Variants in ARHGAP44 observed in about 807,000 individuals in gnomAD.
ARHGAP44 encodes the protein rho GTPase-activating protein 44.
ARHGAP44 carries 43 observed loss-of-function variants against 106.8 expected under a neutral mutation model. The observed-to-expected ratio is 0.40, with a 90% confidence interval of 0.32 to 0.52. The LOEUF (loss-of-function observed/expected upper bound fraction) is 0.52. Ranked by LOEUF, ARHGAP44 falls within the 20% of genes least tolerant of loss-of-function variation. The pLI, the probability that ARHGAP44 is intolerant of heterozygous loss-of-function variation, is 0.48. For synonymous variants in ARHGAP44, 439 were observed against 410.3 expected (o/e 1.07, Z -0.85); for missense variants, 866 against 1,050.5 (o/e 0.82, Z 2.43).
intron 1 of ARHGAP44, among the ~76,000 whole-genome samples, chr17:12,850,334 A>G (rs1054690939): frequency 4.6e-5 from 7 of 151,902 alleles, no homozygotes; most frequent in Non-Finnish European, 8.8e-5. Context: ...TTACGCATTA[A>G]TGGGACCTCA....
chr17:12,847,959 AC>A (rs2035621041), intron 1 of ARHGAP44, among the ~76,000 whole-genome samples: 1 of 152,100 alleles, frequency 6.6e-6, no homozygotes, highest in Non-Finnish European at 1.5e-5. Flanking sequence ...GCTTGCCCCA[AC>A]CCTGTCTTTC....
rs528523707 is a variant in ARHGAP44, at chr17:12,936,153, A to G, written c.583-4903A>G. 2.0e-5 allele frequency among the ~76,000 whole-genome samples: 3 copies of G among 152,284 alleles called. No individual in the cohort carries two copies. In the South Asian group the frequency reaches 6.2e-4, roughly 32 times the overall value. On this transcript the variant is annotated intron_variant, in intron 7 of 20. Coordinates refer to ENST00000379672, the MANE Select transcript of ARHGAP44 (RefSeq NM_014859.6). ...CAACCTCCCCCAATGTCAACATCAC[A>G]CACACAGTGGTAGAGTCTGTTACAA... is the stretch of plus-strand genomic sequence containing the variant.
At chr17:12,950,094 A>G (rs984681723) in intron 12 of ARHGAP44, among the ~76,000 whole-genome samples, 2 of 152,204 alleles carry the variant, frequency 1.3e-5, no homozygotes, top group African/African-American at 4.8e-5. Context: ...GTGACATTCT[A>G]TTGTTATAAA....
At chr17:12,870,952 A>AT (rs1187584638) in intron 1 of ARHGAP44, among the ~76,000 whole-genome samples, 2 of 151,430 alleles carry the variant, frequency 1.3e-5, no homozygotes, top group Non-Finnish European at 2.9e-5. Context: ...GCTTTGGTCA[A>AT]TTTTTTTCTT....
intron 3 of ARHGAP44, among the ~76,000 whole-genome samples, chr17:12,903,248 T>C (rs3785724): frequency 0.035 from 5,351 of 151,436 alleles, 288 homozygotes; most frequent in East Asian, 0.3. Flanking sequence ...ACAAACTGTG[T>C]TGCTTGTGCC....
intron 1 of ARHGAP44, among the ~76,000 whole-genome samples, chr17:12,853,142 C>G (rs1464987304): frequency 6.6e-6 from 1 of 152,134 alleles, no homozygotes; most frequent in African/African-American, 2.4e-5. Flanking sequence ...ACTCTGTGGC[C>G]AAAGGCCTGA....
chr17:12,802,956 TATATATATA>T (rs1567621347), intron 1 of ARHGAP44, among the ~76,000 whole-genome samples: 13 of 25,858 alleles, frequency 5.0e-4, no homozygotes, highest in African/African-American at 1.2e-3. Context: ...TATATATATA[TATATATATA>T]TATATTTTTT....
At chr17:12,862,870 A>G (rs1343840495) in intron 1 of ARHGAP44, among the ~76,000 whole-genome samples, 1 of 151,906 alleles carries the variant, frequency 6.6e-6, no homozygotes, top group Non-Finnish European at 1.5e-5. Context: ...GAGTGGTGGT[A>G]TACACCTGTA....
chr17:12,936,164 TAGA>T, intron 7 of ARHGAP44, among the ~76,000 whole-genome samples: 1 of 152,160 alleles, frequency 6.6e-6, no homozygotes, highest in South Asian at 2.1e-4. Flanking sequence ...CACACAGTGG[TAGA>T]GTCTGTTACA....
intron 1 of ARHGAP44, among the ~76,000 whole-genome samples, chr17:12,820,561 A>G (rs558225841): frequency 5.3e-4 from 81 of 152,276 alleles, no homozygotes; most frequent in African/African-American, 1.8e-3. Flanking sequence ...GTGGGAATAC[A>G]AAAATGAAGA....
intron 12 of ARHGAP44, among the ~76,000 whole-genome samples, chr17:12,950,719 G>T (rs2038973202): frequency 6.6e-6 from 1 of 152,184 alleles, no homozygotes; most frequent in African/African-American, 2.4e-5. Flanking sequence ...AGATAGTCTA[G>T]GTGGGAGATG....
chr17:12,929,177 C>A, intron 7 of ARHGAP44, 131 bp downstream of exon 7: 1 of 791,346 alleles, frequency 1.3e-6, no homozygotes, highest in South Asian at 1.7e-5. Flanking sequence ...CCCAAGCCCG[C>A]CGGCTAGCAT....
At chr17:12,896,980 A>G (rs1419217260) in intron 3 of ARHGAP44, among the ~76,000 whole-genome samples, 1 of 152,202 alleles carries the variant, frequency 6.6e-6, no homozygotes, top group African/African-American at 2.4e-5. Flanking sequence ...CCCTAATGAG[A>G]CACAATAAAA....
chr17:12,946,393 C>G (rs915937850), intron 10 of ARHGAP44, among the ~76,000 whole-genome samples: 1 of 151,784 alleles, frequency 6.6e-6, no homozygotes, highest in Non-Finnish European at 1.5e-5. Flanking sequence ...CACCTGTAAT[C>G]CCAGCAGTTT....
intron 1 of ARHGAP44, among the ~76,000 whole-genome samples, chr17:12,842,661 T>C (rs1189449136): frequency 6.6e-6 from 1 of 152,186 alleles, no homozygotes; most frequent in Non-Finnish European, 1.5e-5. Context: ...TTGGGGACTA[T>C]ACTTTGAGAA....
intron 1 of ARHGAP44, among the ~76,000 whole-genome samples, chr17:12,794,653 T>C (rs1212863522): frequency 6.6e-6 from 1 of 151,880 alleles, no homozygotes; most frequent in African/African-American, 2.4e-5. Flanking sequence ...AGTTGGGGAG[T>C]GAAGACAAAG....
chr17:12,884,468 C>A (rs1323776209), intron 1 of ARHGAP44, among the ~76,000 whole-genome samples: 2 of 152,170 alleles, frequency 1.3e-5, no homozygotes, highest in African/African-American at 2.4e-5. Flanking sequence ...TAACTTCAAC[C>A]ACTTCACCTT....
intron 16 of ARHGAP44, among the ~76,000 whole-genome samples, chr17:12,970,610 A>G (rs990657585): frequency 2.6e-5 from 4 of 152,202 alleles, no homozygotes; most frequent in African/African-American, 9.6e-5. Context: ...AGCCTGGGAA[A>G]TCTTTGCCAT....
intron 1 of ARHGAP44, among the ~76,000 whole-genome samples, chr17:12,843,385 T>C (rs1874394231): frequency 2.0e-5 from 3 of 151,554 alleles, no homozygotes; most frequent in African/African-American, 7.3e-5. Flanking sequence ...CTGTTGAGAG[T>C]TGCTATCTGT....
Sources: gnomAD v4.1 joint callset for allele counts (sites outside exome capture counted in the v4.1 genomes callset) on GRCh38, gnomAD v4.1.1 for gene constraint, MANE v1.5 for transcripts, NCBI Gene and HGNC (gene_info 2026-07-23, HGNC 2026-07-21) for gene names.